CCDC146: variants seen among roughly 807,000 people sequenced by gnomAD.
CCDC146 encodes coiled-coil domain containing 146, also known as coiled-coil domain-containing protein 146.
In CCDC146, 92 loss-of-function variants were observed where a neutral mutation model predicts 119.3. That is an observed-to-expected ratio of 0.77 (90% CI 0.65 to 0.92). CCDC146 has a LOEUF of 0.92. Ranked by LOEUF, CCDC146 falls within the 40% of genes least tolerant of loss-of-function variation. The pLI is 0.00. For synonymous variants in CCDC146, 372 were observed against 371.8 expected (o/e 1.00, Z -0.01); for missense variants, 1,000 against 1,103.0 (o/e 0.91, Z 1.32).
At chr7:77,252,227 C>T (rs745937906) in intron 4 of CCDC146, among the ~76,000 whole-genome samples, 1 of 151,692 alleles carries the variant, frequency 6.6e-6, no homozygotes, top group Non-Finnish European at 1.5e-5. Flanking sequence ...ACTGGAGTTG[C>T]AGTAAGAGAA....
intron 1 of CCDC146, among the ~76,000 whole-genome samples, chr7:77,124,903 T>A (rs555545961): frequency 6.6e-6 from 1 of 152,264 alleles, no homozygotes; most frequent in Admixed American, 6.5e-5. Flanking sequence ...TCAATTTAAA[T>A]GCTCCCTGGC....
chr7:77,287,029 A>G, intron 16 of CCDC146, 103 bp downstream of exon 16: 1 of 1,237,210 alleles, frequency 8.1e-7, no homozygotes, highest in South Asian at 1.4e-5. Context: ...CCTATCCTTC[A>G]TTATTCTAGT....
At chr7:77,135,801 T>G (rs1173510093) in intron 1 of CCDC146, among the ~76,000 whole-genome samples, 3 of 152,148 alleles carry the variant, frequency 2.0e-5, no homozygotes, top group Non-Finnish European at 4.4e-5. Flanking sequence ...ACATATAAAT[T>G]AAAAGTAAAT....
chr7:77,148,134 T>C (rs1791051993), intron 1 of CCDC146, among the ~76,000 whole-genome samples: 1 of 152,228 alleles, frequency 6.6e-6, no homozygotes, highest in Non-Finnish European at 1.5e-5. Flanking sequence ...CCAGCCTCAC[T>C]GCCACCTTGC....
intron 1 of CCDC146, among the ~76,000 whole-genome samples, chr7:77,123,855 G>A (rs945391402): frequency 7.2e-5 from 11 of 151,886 alleles, no homozygotes; most frequent in Non-Finnish European, 1.2e-4. Context: ...TTCTTCTTTC[G>A]GTGAAGACTC....
rs1197497138 is a variant in CCDC146, at chr7:77,258,514, G to A, written c.685-481G>A. The stretch of plus-strand genomic sequence containing the variant: ...TTGAATAAATTACATTTATTGTACA[G>A]TATTCAATATGTTATGTTTATTTAC... On this transcript the variant is annotated intron_variant, in intron 6 of 18. Coordinates refer to ENST00000285871, the MANE Select transcript of CCDC146 (RefSeq NM_020879.3). 2.6e-5 allele frequency among the ~76,000 whole-genome samples: 4 copies of A among 152,216 alleles called. No individual in the cohort carries two copies. The East Asian group carries it at 7.7e-4, about 29-fold the overall frequency.
At chr7:77,225,930 C>G (rs371488868) in intron 2 of CCDC146, among the ~76,000 whole-genome samples, 2 of 104,880 alleles carry the variant, frequency 1.9e-5, no homozygotes, top group Admixed American at 1.1e-4. Context: ...GCAACAAGAG[C>G]GAAACTTCAT....
At position 77,181,486 on chromosome 7, in the gene CCDC146, G is replaced by A. The variant is rs144200181; in HGVS notation, c.156+13662G>A. On this transcript the variant is annotated intron_variant, in intron 2 of 18. Coordinates refer to ENST00000285871, the MANE Select transcript of CCDC146 (RefSeq NM_020879.3). The stretch of plus-strand genomic sequence containing the variant: ...TTCCCAAACAAGGTGTATGCAGGCC[G>A]CGTATATAGGGCAAATGTTAAAGCG... Among the ~76,000 whole-genome samples the A allele has an allele frequency of 2.4e-3, 360 of 152,282 alleles. 2 individuals are homozygous for A. The highest frequency in any genetic ancestry group is 8.1e-3 in the African/African-American group (335 of 41,554).
chr7:77,266,828 C>A (rs907281432), intron 9 of CCDC146, among the ~76,000 whole-genome samples: 1 of 152,118 alleles, frequency 6.6e-6, no homozygotes, highest in African/African-American at 2.4e-5. Flanking sequence ...ATGTGTCACT[C>A]ACCTGCTCAA....
chr7:77,244,494 T>G (rs1792909547), intron 4 of CCDC146, among the ~76,000 whole-genome samples: 1 of 152,178 alleles, frequency 6.6e-6, no homozygotes, highest in Non-Finnish European at 1.5e-5. Context: ...TTTTTATCTT[T>G]TATGCCATAT....
chr7:77,130,597 C>CTTTTTT, intron 1 of CCDC146, among the ~76,000 whole-genome samples: 1 of 125,758 alleles, frequency 8.0e-6, no homozygotes, highest in Non-Finnish European at 1.6e-5. Context: ...TCCTTTCTTT[C>CTTTTTT]TTTTTTTTTT....
intron 2 of CCDC146, among the ~76,000 whole-genome samples, chr7:77,219,980 T>A (rs546723993): frequency 6.6e-6 from 1 of 152,342 alleles, no homozygotes; most frequent in South Asian, 2.1e-4. Context: ...AAGGTCCATG[T>A]CCTGCTGGGC....
rs1231931720 is a variant in CCDC146 at position 77,196,560 on chromosome 7, T to C, written c.156+28736T>C. 6.2e-7 allele frequency: 1 copy of C among 1,614,208 alleles called. No homozygotes were observed. Among genetic ancestry groups the C allele is most frequent in the East Asian group, 2.2e-5 (1 of 44,886 alleles). On this transcript the variant is annotated intron_variant, in intron 2 of 18. Coordinates refer to ENST00000285871, the MANE Select transcript of CCDC146 (RefSeq NM_020879.3). The surrounding 1 kb of genome is among the most constrained non-coding windows in gnomAD (Gnocchi z 4.2). ...AACTTCAGATCGTGGTTGTAATGTT[T>C]GTTGAAACGTAATGCATCTCCAGCT...
rs1790876276 is a variant in CCDC146, at chr7:77,137,484, C to A, written c.-12+14752C>A. Among the ~76,000 whole-genome samples the A allele has an allele frequency of 2.1e-5, 3 of 144,066 alleles. No individual in the cohort carries two copies. The South Asian group carries it at 6.4e-4, about 31-fold the overall frequency. The allele number at this position is 144,066 out of a possible 152,430, so 94.5% of individuals were successfully genotyped here. ...GCAATGGACAAGTGGAATGTGAAAT[C>A]AAAAACAAAACATCATTTCCATTAG... On this transcript the variant is annotated intron_variant, in intron 1 of 18. Transcript: ENST00000285871.
chr7:77,157,721 G>C (rs955717353), intron 1 of CCDC146, among the ~76,000 whole-genome samples: 11 of 152,170 alleles, frequency 7.2e-5, no homozygotes, highest in African/African-American at 1.2e-4. Flanking sequence ...CTGCTTCTCT[G>C]CAGAACTTGC....
intron 8 of CCDC146, among the ~76,000 whole-genome samples, chr7:77,260,679 T>G (rs1296352977): frequency 6.6e-6 from 1 of 152,192 alleles, no homozygotes; most frequent in South Asian, 2.1e-4. Context: ...CAGGCTGGAG[T>G]GCAGTGGCAC....
At chr7:77,264,020 G>A (rs1793353406) in intron 9 of CCDC146, among the ~76,000 whole-genome samples, 1 of 151,866 alleles carries the variant, frequency 6.6e-6, no homozygotes, top group Non-Finnish European at 1.5e-5. Flanking sequence ...CTATATATGT[G>A]TTTTCACAAA....
At chr7:77,171,213 T>C (rs1343684236) in intron 2 of CCDC146, among the ~76,000 whole-genome samples, 1 of 152,214 alleles carries the variant, frequency 6.6e-6, no homozygotes, top group Non-Finnish European at 1.5e-5. Flanking sequence ...CATAAGTTGT[T>C]TGAAACCCAA....
At chr7:77,164,231 G>A (rs1791308677) in intron 1 of CCDC146, among the ~76,000 whole-genome samples, 1 of 151,844 alleles carries the variant, frequency 6.6e-6, no homozygotes, top group African/African-American at 2.4e-5. Context: ...ATATTTTTCT[G>A]GGATATTCAT....
Sources: gnomAD v4.1 joint callset for allele counts (sites outside exome capture counted in the v4.1 genomes callset) on GRCh38, gnomAD v4.1.1 for gene constraint, Gnocchi (gnomAD v3.1) non-coding constraint, MANE v1.5 for transcripts, NCBI Gene and HGNC (gene_info 2026-07-23, HGNC 2026-07-21) for gene names.